Variants in KDM2B observed in about 807,000 individuals in gnomAD.
KDM2B encodes lysine-specific demethylase 2B.
KDM2B carries 26 observed loss-of-function variants against 150.0 expected under a neutral mutation model. The observed-to-expected ratio is 0.17, with a 90% CI of 0.13 to 0.24. The LOEUF is 0.24. Ranked by LOEUF, KDM2B falls within the 10% of genes least tolerant of loss-of-function variation. KDM2B has a pLI of 1.00. For missense variants in KDM2B, 1,265 were observed against 1,816.9 expected, an observed-to-expected ratio of 0.70 and a Z score of 5.52; for synonymous variants, 734 against 729.5, an observed-to-expected ratio of 1.01 and a Z score of -0.10.
At chr12:121,435,360 A>G (rs570844533) in intron 22 of KDM2B, among the ~76,000 whole-genome samples, 1 of 152,350 alleles carries the variant, frequency 6.6e-6, no homozygotes, top group East Asian at 1.9e-4. Flanking sequence ...AGGAGACCTG[A>G]GAAAGCTTAA....
At chr12:121,485,655 G>A (rs1456543797) in intron 12 of KDM2B, among the ~76,000 whole-genome samples, 3 of 152,114 alleles carry the variant, frequency 2.0e-5, no homozygotes, top group African/African-American at 7.2e-5. Context: ...AACAGGGCCA[G>A]GGTTCCGGGG....
At chr12:121,423,295 C>T in the KDM2B span, 3 of 984,262 alleles carry the variant, frequency 3.0e-6, no homozygotes, top group Non-Finnish European at 4.5e-6. This position sits in a 1 kb window ranked among gnomAD's most constrained non-coding sequence, Gnocchi z 4.3. Context: ...AGGGGTCATT[C>T]AGCAGGTGGC....
rs920949557 is a variant in KDM2B, at chr12:121,533,826, G to C, written c.777+671C>G. 6.6e-6 allele frequency among the ~76,000 whole-genome samples: 1 copy of C among 152,178 alleles called. No homozygotes were observed. Among genetic ancestry groups the C allele is most frequent in the Non-Finnish European group, 1.5e-5 (1 of 68,040 alleles). On this transcript the variant is annotated intron_variant, in intron 7 of 22. Transcript: ENST00000377071. This position sits in a 1 kb window ranked among gnomAD's most constrained non-coding sequence, Gnocchi z 4.1. ...AGGAGGTGGTTCTAGGGAAAGAAGC[G>C]ACCCTGGGCCAGGAGCCATGGCCCA...
rs566248113 is a variant in KDM2B, at chr12:121,575,402, G to T, written c.350+379C>A. Among the ~76,000 whole-genome samples, 11 of 152,340 alleles carry T rather than the reference G, an allele frequency of 7.2e-5. No individual in the cohort carries two copies. Among genetic ancestry groups the T allele is most frequent in the African/African-American group, 2.6e-4 (11 of 41,566 alleles). ...AAGAAACATGTATCTAGGTGCCCTGGGTCTGGGCTTAGAGGCTGGCTAGTC... is the reference window on the plus strand; with the variant it reads ...AAGAAACATGTATCTAGGTGCCCTGTGTCTGGGCTTAGAGGCTGGCTAGTC... On this transcript the variant is annotated intron_variant, in intron 3 of 22. Transcript: ENST00000377071. The surrounding 1 kb of genome is among the most constrained non-coding windows in gnomAD (Gnocchi z 4.4).
Position 121,534,558 on chromosome 12 carries a change from G to A in KDM2B, c.716C>T (p.Thr239Ile). The A allele has an allele frequency of 6.2e-7, 1 of 1,614,084 alleles. No individual in the cohort carries two copies. Among genetic ancestry groups the A allele is most frequent in the Non-Finnish European group, 8.5e-7 (1 of 1,179,982 alleles). Residue 239 changes from threonine (T) to isoleucine (I), a missense_variant, in exon 7 of 23, where the codon ACC (threonine) becomes ATC (isoleucine). Around this residue, in one of 11 missense-constraint regions of KDM2B, gnomAD observed 214 missense variants for 447.4 expected, o/e 0.48. Transcript: ENST00000377071. ...YCLMSVKGCF[T>I]DFHIDFGGTS... ...GCCTCCAAAGTCGATGTGGAAGTCG[G>A]TGAAACAACCTTTCACGCTCATCAG...
At chr12:121,448,862 T>C (rs1279769445) in intron 13 of KDM2B, among the ~76,000 whole-genome samples, 2 of 152,176 alleles carry the variant, frequency 1.3e-5, no homozygotes, top group Non-Finnish European at 2.9e-5. Flanking sequence ...ATTAAGTCGC[T>C]GAAATCCAAA....
At chr12:121,447,552 C>T (rs1876483595) in intron 13 of KDM2B, among the ~76,000 whole-genome samples, 1 of 151,828 alleles carries the variant, frequency 6.6e-6, no homozygotes, top group South Asian at 2.1e-4. Context: ...AATTCCAAGT[C>T]CTTTCTAATG....
At chr12:121,525,247 T>A (rs180993659) in intron 8 of KDM2B, among the ~76,000 whole-genome samples, 3 of 152,060 alleles carry the variant, frequency 2.0e-5, no homozygotes, top group Admixed American at 2.0e-4. Flanking sequence ...AATGGGGATA[T>A]TTCTTTTGTT....
In KDM2B at chr12:121,513,981, A is replaced by AG. The variant is rs1321925760; in HGVS notation, c.1048-580dup. ...CCTACCTCCAGGGGTGGGGCCTTGA[A>AG]GGGGTCCATCTCCTGCTCCTCCCCA... On this transcript the variant is annotated intron_variant, in intron 9 of 22. Coordinates refer to ENST00000377071, the MANE Select transcript of KDM2B (RefSeq NM_032590.5). This position sits in a 1 kb window ranked among gnomAD's most constrained non-coding sequence, Gnocchi z 5.0. Among the ~76,000 whole-genome samples, 2 of 152,070 alleles carry AG rather than the reference A, an allele frequency of 1.3e-5. No homozygotes were observed. Among genetic ancestry groups the AG allele is most frequent in the African/African-American group, 4.8e-5 (2 of 41,404 alleles).
chr12:121,495,564 T>C (rs1555300835), intron 11 of KDM2B, among the ~76,000 whole-genome samples: 1 of 152,190 alleles, frequency 6.6e-6, no homozygotes, highest in African/African-American at 2.4e-5. Flanking sequence ...CCTACCAAAA[T>C]GCTGGGATTA....
At chr12:121,546,379 C>CTTTTTTTTTTT (rs371614406) in intron 6 of KDM2B, among the ~76,000 whole-genome samples, 44 of 97,476 alleles carry the variant, frequency 4.5e-4, no homozygotes, top group East Asian at 1.0e-3. Context: ...TTTTTTTTGC[C>CTTTTTTTTTTT]TTTTTTTTTT....
chr12:121,569,228 G>A (rs1353929440), intron 4 of KDM2B, among the ~76,000 whole-genome samples: 1 of 152,198 alleles, frequency 6.6e-6, no homozygotes, highest in Non-Finnish European at 1.5e-5. Flanking sequence ...TGGTTCTGCT[G>A]GGCTGACCCC....
At position 121,445,377 on chromosome 12, in the gene KDM2B, C is replaced by T. The variant is rs1555289983; in HGVS notation, c.2001G>A (p.Glu667=). Residue 667 remains glutamate (E), a synonymous_variant, in exon 14 of 23, where the codon GAG becomes GAA. Transcript: ENST00000377071. ...PHTAVCLVCG[E]AGKEDTVEEE... ...CTTCCACCGTGTCTTCCTTCCCCGCCTCGCCACACACAAGGCACACGGCGG... is the reference window on the plus strand; with the variant it reads ...CTTCCACCGTGTCTTCCTTCCCCGCTTCGCCACACACAAGGCACACGGCGG... 1 of 1,610,442 alleles carries T rather than the reference C, an allele frequency of 6.2e-7. No individual in the cohort carries two copies. The highest frequency in any genetic ancestry group is 8.5e-7 in the Non-Finnish European group (1 of 1,178,006).
chr12:121,505,042 G>A (rs1274056779), intron 11 of KDM2B, among the ~76,000 whole-genome samples: 8 of 151,096 alleles, frequency 5.3e-5, no homozygotes, highest in Non-Finnish European at 1.2e-4. Flanking sequence ...GCGTGAACCC[G>A]GGAGGCAGAG....
Position 121,572,822 on chromosome 12 carries a change from A to AT in KDM2B, c.397+1724dup, listed in dbSNP as rs33946368. 7.1e-3 allele frequency among the ~76,000 whole-genome samples: 716 copies of AT among 100,190 alleles called. 10 individuals are homozygous for AT. Among genetic ancestry groups the AT allele is most frequent in the African/African-American group, 0.024 (638 of 26,072 alleles). The allele number at this position is 100,190 out of a possible 152,430, so 65.7% of individuals were successfully genotyped here. A position where few individuals can be genotyped will look rare whatever the true frequency, so the allele number is the denominator to read the frequency against. On this transcript the variant is annotated intron_variant, in intron 4 of 22. Transcript: ENST00000377071. ...GACACACACCACCACACCTGGATAAATTTTTTTTTTTTTTTTTTTTTGAGT... is the reference window on the plus strand; with the variant it reads ...GACACACACCACCACACCTGGATAAATTTTTTTTTTTTTTTTTTTTTTGAGT...
chr12:121,509,907 G>T lies in KDM2B; in HGVS notation c.1307C>A (p.Pro436His), dbSNP rs782247135. The part of the protein sequence containing the change: ...DEEGEGRDRA[P>H]KPPTDGSTSP... ...AGTGGAGCCATCGGTGGGCGGTTTG[G>T]GTGCCCTGTCCCTGCCCTCGCCCTC... Residue 436 changes from proline (P) to histidine (H), a missense_variant, in exon 11 of 23, where the codon CCC (proline) becomes CAC (histidine). This residue lies in a region of KDM2B where 154 missense variants were observed against 162.5 expected (regional missense o/e 0.95). Transcript: ENST00000377071. The T allele has an allele frequency of 3.1e-6, 5 of 1,612,462 alleles. No homozygotes were observed. The highest frequency in any genetic ancestry group is 4.2e-6 in the Non-Finnish European group (5 of 1,179,668).
At chr12:121,516,566 ACTCGGAGC>A (rs1886214599) in intron 9 of KDM2B, 2 of 1,430,242 alleles carry the variant, frequency 1.4e-6, no homozygotes, top group Non-Finnish European at 1.8e-6. Context: ...TTGTTGACAG[ACTCGGAGC>A]CTCACCAAAT....
intron 12 of KDM2B, among the ~76,000 whole-genome samples, chr12:121,489,261 ATTTATT>A (rs1339745251): frequency 6.6e-6 from 1 of 150,732 alleles, no homozygotes; most frequent in Non-Finnish European, 1.5e-5. Context: ...TATTTATTTT[ATTTATT>A]TTATTTATTT....
chr12:121,556,631 A>C (rs905467560), intron 4 of KDM2B, among the ~76,000 whole-genome samples: 2 of 152,192 alleles, frequency 1.3e-5, no homozygotes, highest in Non-Finnish European at 2.9e-5. Flanking sequence ...CAAGTGGATC[A>C]CTTGAGGTCA....
Sources: gnomAD v4.1 joint callset for allele counts (sites outside exome capture counted in the v4.1 genomes callset) on GRCh38, gnomAD v4.1.1 for gene constraint, gnomAD v4.1.1 regional missense constraint, Gnocchi (gnomAD v3.1) non-coding constraint, MANE v1.5 for transcripts, NCBI Gene and HGNC (gene_info 2026-07-23, HGNC 2026-07-21) for gene names.